The following MGA variants were observed in gnomAD, a reference collection of about 807,000 sequenced individuals.
The protein encoded by MGA is MAX dimerization protein MGA, also known as MAX gene-associated protein.
Under a neutral mutation model 261.1 loss-of-function variants are expected in MGA, and 40 were observed. The observed-to-expected ratio is 0.15, with a 90% CI of 0.12 to 0.20. MGA has a LOEUF of 0.20. Among genes scored for constraint, MGA ranks in the 10% least tolerant of loss-of-function variants. The probability of loss-of-function intolerance (pLI) is 1.00; values close to 1 mark genes in which losing one functional copy is unlikely to be tolerated. For missense variants in MGA, 3,397 were observed against 3,630.5 expected (o/e 0.94, Z 1.65); for synonymous variants, 1,302 against 1,290.6 (o/e 1.01, Z -0.19).
intron 11 of MGA, among the ~76,000 whole-genome samples, chr15:41,731,585 G>A (rs1237485331): frequency 6.6e-6 from 1 of 152,016 alleles, no homozygotes; most frequent in Non-Finnish European, 1.5e-5. Context: ...TGGCTTTTAG[G>A]GACTTTTAGG....
At chr15:41,747,230 T>G (rs1663365483) in intron 15 of MGA, among the ~76,000 whole-genome samples, 1 of 152,178 alleles carries the variant, frequency 6.6e-6, no homozygotes, top group South Asian at 2.1e-4. Flanking sequence ...TAAGTAATTT[T>G]TTCCTTCTGA....
At chr15:41,741,074 C>T (rs1369100906) in intron 14 of MGA, among the ~76,000 whole-genome samples, 1 of 152,032 alleles carries the variant, frequency 6.6e-6, no homozygotes, top group Non-Finnish European at 1.5e-5. Flanking sequence ...TTTGGCCGGG[C>T]GCGGTGGCTC....
chr15:41,629,028 GCTA>G (rs1387795641), intron 1 of MGA, among the ~76,000 whole-genome samples: 2 of 147,984 alleles, frequency 1.4e-5, no homozygotes, highest in African/African-American at 5.0e-5. Flanking sequence ...TGTAGTCGCA[GCTA>G]CTTATGCTTA....
chr15:41,747,538 C>T (rs2062575781), intron 15 of MGA, among the ~76,000 whole-genome samples: 1 of 151,084 alleles, frequency 6.6e-6, no homozygotes, highest in Non-Finnish European at 1.5e-5. Flanking sequence ...CCAGACCAGC[C>T]TGGGCAACAT....
chr15:41,727,598 T>A (rs1393657049), intron 10 of MGA, among the ~76,000 whole-genome samples, 192 bp downstream of exon 10: 2 of 152,318 alleles, frequency 1.3e-5, no homozygotes, highest in Middle Eastern at 3.4e-3. Flanking sequence ...TAGAAATGAG[T>A]AGTAGTAATT....
chr15:41,766,537 A>G lies in MGA; in HGVS notation c.8455A>G (p.Thr2819Ala). 1 of 1,613,966 alleles carries G rather than the reference A, an allele frequency of 6.2e-7. No individual in the cohort carries two copies. Among genetic ancestry groups the G allele is most frequent in the Non-Finnish European group, 8.5e-7 (1 of 1,179,896 alleles). The change falls in exon 24 of 24, where the codon ACT becomes GCT. Residue 2819 changes from threonine (T) to alanine (A), a missense_variant. By Grantham distance (58) the Thr-to-Ala change is moderately conservative. Coordinates refer to ENST00000219905, the MANE Select transcript of MGA (RefSeq NM_001164273.2). The stretch of plus-strand genomic sequence containing the variant: ...GACTAACATGGAAGATGAGGATGAT[A>G]CTGATGAGACACTGACTTCACTGCT...
intron 12 of MGA, among the ~76,000 whole-genome samples, chr15:41,735,695 C>T (rs1172512930): frequency 1.3e-5 from 2 of 151,422 alleles, no homozygotes; most frequent in Admixed American, 6.6e-5. Context: ...TATCACGCCT[C>T]TGCACTCCAG....
chr15:41,736,182 A>G lies in MGA; in HGVS notation c.3918A>G (p.Glu1306=). The G allele has an allele frequency of 6.5e-7, 1 of 1,540,358 alleles. No homozygotes were observed. Among genetic ancestry groups the G allele is most frequent in the Non-Finnish European group, 8.7e-7 (1 of 1,144,664 alleles). ...TTTTTTATTATTATTTTACATCAGA[A>G]AAGAGCTGGAAGTCTTCCTGCAATG... The change falls in exon 13 of 24, where the codon GAA becomes GAG. Residue 1306 remains glutamate, a splice_region_variant and synonymous_variant. Coordinates refer to ENST00000219905, the MANE Select transcript of MGA (RefSeq NM_001164273.2).
intron 1 of MGA, among the ~76,000 whole-genome samples, chr15:41,664,689 T>C (rs965059782): frequency 1.3e-5 from 2 of 152,224 alleles, no homozygotes; most frequent in African/African-American, 2.4e-5. Context: ...CCTTGAAGTT[T>C]ATGAATTAAT....
At chr15:41,633,701 G>A (rs2056641127) in intron 1 of MGA, among the ~76,000 whole-genome samples, 1 of 152,154 alleles carries the variant, frequency 6.6e-6, no homozygotes, top group Non-Finnish European at 1.5e-5. Flanking sequence ...GGGATTACAG[G>A]TGTGAGCCAC....
Position 41,748,947 on chromosome 15 carries a change from G to A in MGA, c.5503+20G>A, listed in dbSNP as rs759685535. 3 of 1,606,564 alleles carry A rather than the reference G, an allele frequency of 1.9e-6. No homozygotes were observed. The Admixed American group carries it at 5.1e-5, about 27-fold the overall frequency. ...ACCCAGGTATAAAGTTCTTTTTTATGAACTTTTCTTTTGTTGAATCACTTG... is the reference window on the plus strand; with the variant it reads ...ACCCAGGTATAAAGTTCTTTTTTATAAACTTTTCTTTTGTTGAATCACTTG... On this transcript the variant is annotated intron_variant, in intron 16 of 23. Coordinates refer to ENST00000219905, the MANE Select transcript of MGA (RefSeq NM_001164273.2).
At chr15:41,717,417 A>G (rs2060700452) in intron 9 of MGA, among the ~76,000 whole-genome samples, 1 of 152,220 alleles carries the variant, frequency 6.6e-6, no homozygotes, top group African/African-American at 2.4e-5. Context: ...GAATAAAGAG[A>G]ACATACTAAT....
chr15:41,622,423 C>T (rs1026684065), intron 1 of MGA, among the ~76,000 whole-genome samples: 4 of 152,114 alleles, frequency 2.6e-5, no homozygotes, highest in African/African-American at 7.2e-5. Flanking sequence ...CACAGCCACT[C>T]CCCTCTCAAT....
chr15:41,654,720 T>C (rs1333993797), intron 1 of MGA, among the ~76,000 whole-genome samples: 2 of 152,112 alleles, frequency 1.3e-5, no homozygotes, highest in African/African-American at 4.8e-5. Context: ...CACTATGTTA[T>C]CCAGGCTGGT....
upstream of MGA, among the ~76,000 whole-genome samples, chr15:41,656,344 T>TCTCTCTC (rs149903830): frequency 1.6e-3 from 97 of 59,972 alleles, 2 homozygotes; most frequent in South Asian, 3.2e-3. Context: ...CTCTCCTCTC[T>TCTCTCTC]TCTCTCTCTC....
chr15:41,765,006 A>G lies in MGA; in HGVS notation c.7865A>G (p.Asp2622Gly). 1 of 1,613,978 alleles carries G rather than the reference A, an allele frequency of 6.2e-7. No individual in the cohort carries two copies. Among genetic ancestry groups the G allele is most frequent in the Non-Finnish European group, 8.5e-7 (1 of 1,179,884 alleles). ...GGACCAGTGGTAGCTGTTTCTCCTG[A>G]TCTCTTAGAATCTGATCTTAAGCCT... The change falls in exon 23 of 24, where the codon GAT becomes GGT. Residue 2622 changes from aspartate (D) to glycine (G), a missense_variant. This residue lies in a region of MGA where 647 missense variants were observed against 642.4 expected (regional missense o/e 1.01). Coordinates refer to ENST00000219905, the MANE Select transcript of MGA (RefSeq NM_001164273.2).
rs769795416 is a variant in MGA, at chr15:41,742,838, T to C, written c.4878T>C (p.Thr1626=). The C allele has an allele frequency of 6.2e-7, 1 of 1,613,950 alleles. No homozygotes were observed. The highest frequency in any genetic ancestry group is 1.1e-5 in the South Asian group (1 of 91,084). ...TTTCTGACGTGGAAACTAAAGAAACTACTTATTCTTCTGGTGCCACCACTA... is the reference window on the plus strand; with the variant it reads ...TTTCTGACGTGGAAACTAAAGAAACCACTTATTCTTCTGGTGCCACCACTA... Residue 1626 remains threonine, a synonymous_variant, in exon 15 of 24, where the codon ACT becomes ACC. Transcript: ENST00000219905.
In MGA at chr15:41,750,303, A is replaced by G. The variant is rs1403109563; in HGVS notation, c.6696A>G (p.Glu2232=). 3 of 1,613,944 alleles carry G rather than the reference A, an allele frequency of 1.9e-6. No homozygotes were observed. Among genetic ancestry groups the G allele is most frequent in the Non-Finnish European group, 2.5e-6 (3 of 1,179,910 alleles). Residue 2232 remains glutamate, a synonymous_variant, in exon 17 of 24, where the codon GAA becomes GAG. Coordinates refer to ENST00000219905, the MANE Select transcript of MGA (RefSeq NM_001164273.2). ...TACTTGGAAAAAGTGGAATTACTGA[A>G]GATGCCAGAGTTTTGAAAACTGAAT...
Position 41,742,002 on chromosome 15 carries a change from G to A in MGA, c.4586-544G>A, listed in dbSNP as rs2062136518. On this transcript the variant is annotated intron_variant, in intron 14 of 23. Coordinates refer to ENST00000219905, the MANE Select transcript of MGA (RefSeq NM_001164273.2). ...TGGGATTACAGGTGTGAGTCACTGTGTCTGGCCTGGAACACTCAATTTTAA... is the reference window on the plus strand; with the variant it reads ...TGGGATTACAGGTGTGAGTCACTGTATCTGGCCTGGAACACTCAATTTTAA... 2.0e-5 allele frequency among the ~76,000 whole-genome samples: 3 copies of A among 151,934 alleles called. No individual in the cohort carries two copies. In the South Asian group the frequency reaches 6.2e-4, roughly 32 times the overall value.
Sources: allele counts gnomAD v4.1 joint callset (sites outside exome capture counted in the v4.1 genomes callset), GRCh38; gene constraint gnomAD v4.1.1; regional missense constraint gnomAD v4.1.1; transcripts MANE v1.5; gene names NCBI Gene and HGNC (gene_info 2026-07-23, HGNC 2026-07-21).